The following ARHGEF26 variants were observed in gnomAD, a reference collection of about 807,000 sequenced individuals.
ARHGEF26 encodes the protein Rho guanine nucleotide exchange factor 26.
In ARHGEF26, 59 loss-of-function variants were observed where a neutral mutation model predicts 89.4. The ratio of observed to expected loss-of-function variants is 0.66; its 90% CI spans 0.54 to 0.82. The LOEUF is 0.82. Ranked by LOEUF, ARHGEF26 falls within the 40% of genes least tolerant of loss-of-function variation. The probability of loss-of-function intolerance (pLI) is 0.00; values close to 1 mark genes in which losing one functional copy is unlikely to be tolerated. For missense variants in ARHGEF26, 1,234 were observed against 1,085.6 expected (o/e 1.14, Z -1.92); for synonymous variants, 500 against 428.4 (o/e 1.17, Z -2.06).
intron 6 of ARHGEF26, among the ~76,000 whole-genome samples, chr3:154,165,090 C>T (rs546046559): frequency 1.3e-5 from 2 of 152,182 alleles, no homozygotes; most frequent in African/African-American, 4.8e-5. Flanking sequence ...GTTTGAGAAT[C>T]TGTGTTTTTC....
At chr3:154,168,347 T>C (rs1712184634) in intron 6 of ARHGEF26, among the ~76,000 whole-genome samples, 1 of 151,124 alleles carries the variant, frequency 6.6e-6, no homozygotes, top group African/African-American at 2.4e-5. Context: ...AAGGTGGGGG[T>C]GGGTGGATTG....
chr3:154,252,832 C>T (rs904093588), intron 12 of ARHGEF26, among the ~76,000 whole-genome samples: 2 of 152,142 alleles, frequency 1.3e-5, no homozygotes, highest in Non-Finnish European at 2.9e-5. Context: ...ATAATGTGTT[C>T]GTGTAATCAG....
At chr3:154,242,178 G>GA in intron 12 of ARHGEF26, among the ~76,000 whole-genome samples, 1 of 152,226 alleles carries the variant, frequency 6.6e-6, no homozygotes, top group East Asian at 1.9e-4. Context: ...CCAAGGTAAT[G>GA]AAAAAAGAAA....
At position 154,255,580 on chromosome 3, in the gene ARHGEF26, A is replaced by C; in HGVS notation, c.*107A>C. On this transcript the variant is annotated 3_prime_UTR_variant, in exon 15 of 15. Transcript: ENST00000465093. ...TTTTGTCACAGCCTATTTAATTAAAAGAACGAAAACACTTGCCTTTAAGCT... is the reference window on the plus strand; with the variant it reads ...TTTTGTCACAGCCTATTTAATTAAACGAACGAAAACACTTGCCTTTAAGCT... 1 of 1,476,736 alleles carries C rather than the reference A, an allele frequency of 6.8e-7. No homozygotes were observed. The highest frequency in any genetic ancestry group is 1.4e-5 in the South Asian group (1 of 69,422). 91.5% of individuals were successfully genotyped at this position (1,476,736 alleles called of 1,614,324 possible).
At chr3:154,250,141 T>C (rs1215398551) in intron 12 of ARHGEF26, among the ~76,000 whole-genome samples, 2 of 152,164 alleles carry the variant, frequency 1.3e-5, no homozygotes, top group African/African-American at 4.8e-5. Flanking sequence ...AGCAATTCTC[T>C]GCCTCAGCCT....
intron 12 of ARHGEF26, among the ~76,000 whole-genome samples, chr3:154,247,402 TC>T (rs1234209646): frequency 6.6e-6 from 1 of 152,176 alleles, no homozygotes; most frequent in Admixed American, 6.5e-5. Flanking sequence ...ATTTCATCTT[TC>T]CCCATCTTTC....
intron 6 of ARHGEF26, among the ~76,000 whole-genome samples, chr3:154,175,399 C>T (rs1022709328): frequency 4.0e-5 from 6 of 151,762 alleles, no homozygotes; most frequent in Admixed American, 2.0e-4. Context: ...ATGCTTCCCT[C>T]TTCTTTTTCT....
intron 6 of ARHGEF26, among the ~76,000 whole-genome samples, chr3:154,164,240 T>A (rs868568871): frequency 2.6e-5 from 4 of 152,076 alleles, no homozygotes; most frequent in Admixed American, 6.6e-5. Flanking sequence ...TGTGAAAATA[T>A]GATTTTTAAA....
chr3:154,177,561 A>G (rs9870211), intron 6 of ARHGEF26, among the ~76,000 whole-genome samples: 28,996 of 152,082 alleles, frequency 0.19, 3,092 homozygotes, highest in South Asian at 0.37. Flanking sequence ...TACAAATACA[A>G]AGATGCTTAA....
At chr3:154,212,355 A>G (rs996089366) in intron 9 of ARHGEF26, among the ~76,000 whole-genome samples, 4 of 138,242 alleles carry the variant, frequency 2.9e-5, no homozygotes, top group Admixed American at 7.3e-5. Flanking sequence ...AAAAAAAAAA[A>G]GGGAAAATTG....
intron 6 of ARHGEF26, among the ~76,000 whole-genome samples, chr3:154,154,326 C>T (rs1441258765): frequency 6.6e-6 from 1 of 151,922 alleles, no homozygotes; most frequent in Non-Finnish European, 1.5e-5. Flanking sequence ...TATTTAAAAC[C>T]TCAGTGAGTA....
chr3:154,221,495 T>G (rs76875027), intron 10 of ARHGEF26, among the ~76,000 whole-genome samples: 4 of 152,196 alleles, frequency 2.6e-5, no homozygotes, highest in African/African-American at 9.6e-5. Flanking sequence ...GATGTACTCA[T>G]GAATGTATAA....
intron 6 of ARHGEF26, among the ~76,000 whole-genome samples, chr3:154,168,951 T>C (rs1157585973): frequency 6.6e-6 from 1 of 151,688 alleles, no homozygotes; most frequent in Admixed American, 6.6e-5. Flanking sequence ...TTCTAGCATA[T>C]GAGAAATGTG....
chr3:154,253,794 A>C (rs1718310600), intron 13 of ARHGEF26, among the ~76,000 whole-genome samples: 2 of 152,208 alleles, frequency 1.3e-5, no homozygotes, highest in South Asian at 4.1e-4. Flanking sequence ...GGTCAAATCC[A>C]AAGAATTAGA....
chr3:154,241,688 T>C (rs951387263), intron 12 of ARHGEF26, among the ~76,000 whole-genome samples: 5 of 152,150 alleles, frequency 3.3e-5, no homozygotes, highest in Non-Finnish European at 5.9e-5. Flanking sequence ...CAAGTGGGAA[T>C]TCATAGCCAT....
At chr3:154,124,959 GTAT>G in intron 3 of ARHGEF26, among the ~76,000 whole-genome samples, 1 of 128,578 alleles carries the variant, frequency 7.8e-6, no homozygotes, top group Non-Finnish European at 1.6e-5. Context: ...AACCCATGTA[GTAT>G]TTTTATTAAG....
At chr3:154,189,967 C>A (rs1713845133) in intron 7 of ARHGEF26, among the ~76,000 whole-genome samples, 1 of 151,954 alleles carries the variant, frequency 6.6e-6, no homozygotes, top group Non-Finnish European at 1.5e-5. Context: ...GGCATTCTCC[C>A]CCTCCCTGCT....
intron 9 of ARHGEF26, among the ~76,000 whole-genome samples, chr3:154,216,492 A>ATTTTTT (rs1428596973): frequency 2.3e-5 from 3 of 129,004 alleles, no homozygotes; most frequent in Non-Finnish European, 5.0e-5. Context: ...TTTTTTTTTT[A>ATTTTTT]TTTTTTTTTA....
chr3:154,252,203 T>C (rs1246661366), intron 12 of ARHGEF26, among the ~76,000 whole-genome samples: 2 of 152,166 alleles, frequency 1.3e-5, no homozygotes, highest in African/African-American at 2.4e-5. Flanking sequence ...AGTGGCACAG[T>C]AGAAACTGAC....
Sources: allele counts gnomAD v4.1 joint callset (sites outside exome capture counted in the v4.1 genomes callset), GRCh38; gene constraint gnomAD v4.1.1; transcripts MANE v1.5; gene names NCBI Gene and HGNC (gene_info 2026-07-23, HGNC 2026-07-21).